The following SVEP1 variants were observed in gnomAD, a reference collection of about 807,000 sequenced individuals.
SVEP1 encodes the protein sushi, von Willebrand factor type A, EGF and pentraxin domain-containing protein 1.
In SVEP1, 164 loss-of-function variants were observed where a neutral mutation model predicts 367.3. The ratio of observed to expected loss-of-function variants is 0.45; its 90% confidence interval spans 0.39 to 0.51. The LOEUF (loss-of-function observed/expected upper bound fraction) is 0.51. SVEP1 is among the 20% of genes least tolerant of loss of function. The probability of loss-of-function intolerance (pLI) is 0.00; values close to 1 mark genes in which losing one functional copy is unlikely to be tolerated. For synonymous variants in SVEP1, 1,666 were observed against 1,611.6 expected (o/e 1.03, Z -0.81); for missense variants, 4,117 against 4,425.3 (o/e 0.93, Z 1.98).
chr9:110,531,830 G>C (rs1830022010), intron 3 of SVEP1, among the ~76,000 whole-genome samples: 2 of 152,154 alleles, frequency 1.3e-5, no homozygotes, highest in South Asian at 4.1e-4. Flanking sequence ...TATGCAAATA[G>C]CTTTAGACAC....
At chr9:110,369,576 A>AT (rs68117531) in intron 47 of SVEP1, 35,891 of 167,622 alleles carry the variant, frequency 0.21, 4,397 homozygotes, top group Middle Eastern at 0.35. Context: ...TATATAACCG[A>AT]TTTTTTTTAA....
chr9:110,368,155 G>A (rs1027003736), intron 47 of SVEP1, among the ~76,000 whole-genome samples: 4 of 151,476 alleles, frequency 2.6e-5, no homozygotes, highest in African/African-American at 9.7e-5. Flanking sequence ...AGACAGGATG[G>A]AGGAGACCCT....
intron 5 of SVEP1, among the ~76,000 whole-genome samples, chr9:110,508,852 G>A (rs1193609663): frequency 6.6e-6 from 1 of 151,594 alleles, no homozygotes; most frequent in African/African-American, 2.4e-5. Context: ...AAGTGCATAG[G>A]AGAAGTGAGA....
chr9:110,371,495 G>T (rs1425087624), intron 46 of SVEP1, among the ~76,000 whole-genome samples: 4 of 151,970 alleles, frequency 2.6e-5, no homozygotes, highest in African/African-American at 4.8e-5. Context: ...TCATCTAAAT[G>T]CATTTTCTGG....
chr9:110,424,293 ACTGT>A (rs547278622), intron 36 of SVEP1, among the ~76,000 whole-genome samples: 3 of 152,226 alleles, frequency 2.0e-5, no homozygotes, highest in Admixed American at 6.5e-5. Flanking sequence ...ACAAGAAAAT[ACTGT>A]CTATCAGTGA....
chr9:110,450,220 G>A lies in SVEP1; in HGVS notation c.3942C>T (p.Asn1314=), dbSNP rs1245635692. 12 of 1,613,824 alleles carry A rather than the reference G, an allele frequency of 7.4e-6. No individual in the cohort carries two copies. The highest frequency in any genetic ancestry group is 1.0e-5 in the Non-Finnish European group (12 of 1,179,808). Residue 1314 remains asparagine, a synonymous_variant, in exon 24 of 48, where the codon AAC becomes AAT. Transcript: ENST00000374469. The stretch of plus-strand genomic sequence containing the variant: ...CACAGACTGCATTATTTAAGCATGG[G>A]TTTGACTGGCATTCATTGACTTCTG... ...CETEVNECQS[N]PCLNNAVCED... is the part of the protein sequence containing the mutation.
intron 5 of SVEP1, among the ~76,000 whole-genome samples, chr9:110,508,282 G>C (rs951741530): frequency 2.7e-5 from 4 of 149,332 alleles, no homozygotes; most frequent in African/African-American, 9.9e-5. Context: ...CCATCTTAAA[G>C]ACTAATCAGA....
intron 43 of SVEP1, among the ~76,000 whole-genome samples, chr9:110,383,470 G>T (rs1025859051): frequency 2.7e-5 from 4 of 147,696 alleles, no homozygotes; most frequent in Non-Finnish European, 4.5e-5. Context: ...TCCCAGAGGG[G>T]CACTGACCTG....
rs185155866 is a variant in SVEP1, at chr9:110,399,494, T to G, written c.9822+1360A>C. Among the ~76,000 whole-genome samples, 3 of 152,140 alleles carry G rather than the reference T, an allele frequency of 2.0e-5. No homozygotes were observed. In the East Asian group the frequency reaches 5.8e-4, roughly 29 times the overall value. On this transcript the variant is annotated intron_variant, in intron 40 of 47. Coordinates refer to ENST00000374469, the MANE Select transcript of SVEP1 (RefSeq NM_153366.4). ...CCTAAAACTTAAAGTATAATAATAA[T>G]AAAATTAAAAAGAAAAAAGAAAACT...
Position 110,471,343 on chromosome 9 carries a change from G to A in SVEP1, c.2998+21C>T, listed in dbSNP as rs916264678. 1.9e-6 allele frequency: 3 copies of A among 1,600,072 alleles called. No individual in the cohort carries two copies. In the Admixed American group the frequency reaches 5.1e-5, roughly 27 times the overall value. On this transcript the variant is annotated intron_variant, in intron 16 of 47. Transcript: ENST00000374469. The stretch of plus-strand genomic sequence containing the variant: ...GACCCAGTATGCACCAAATATTTTT[G>A]ATCACAGGGAACAGTCTTACCACAC...
intron 3 of SVEP1, among the ~76,000 whole-genome samples, chr9:110,532,137 C>T (rs1040814231): frequency 6.6e-6 from 1 of 152,090 alleles, no homozygotes; most frequent in African/African-American, 2.4e-5. Context: ...TTCATTCATT[C>T]ACCAAAAATT....
chr9:110,502,991 G>A (rs752872051), intron 6 of SVEP1, 47 bp downstream of exon 6: 36 of 1,566,248 alleles, frequency 2.3e-5, no homozygotes, highest in Admixed American at 2.3e-4. Context: ...AGAAATCAGA[G>A]CAGAGGAAAT....
At position 110,579,332 on chromosome 9, in the gene SVEP1, C is replaced by T; in HGVS notation, c.212G>A (p.Arg71His). 3 of 1,557,064 alleles carry T rather than the reference C, an allele frequency of 1.9e-6. No homozygotes were observed. Among genetic ancestry groups the T allele is most frequent in the Non-Finnish European group, 2.6e-6 (3 of 1,152,052 alleles). The change falls in exon 1 of 48, where the codon CGC (arginine) becomes CAC (histidine). Residue 71 changes from arginine to histidine, a missense_variant. Physicochemically the swap from Arg to His is conservative, Grantham distance 29. Transcript: ENST00000374469. This position sits in a 1 kb window ranked among gnomAD's most constrained non-coding sequence, Gnocchi z 5.3. ...VERLGQAFRR[R>H]VRLLRELSER... is the part of the protein sequence containing the mutation. ...GCTGAGCTCCCGCAGCAGCCGCACG[C>T]GTCGCCGGAACGCCTGGCCCAGCCG...
At chr9:110,537,540 C>T (rs983178038) in intron 3 of SVEP1, among the ~76,000 whole-genome samples, 6 of 151,614 alleles carry the variant, frequency 4.0e-5, no homozygotes, top group Non-Finnish European at 5.9e-5. Flanking sequence ...ATTCTGTGAT[C>T]AACAGAAGGC....
In SVEP1 at chr9:110,447,025, T is replaced by C. The variant is rs1176274716; in HGVS notation, c.4136A>G (p.His1379Arg). ...ACATTCATTGATGTTCAATTCACAG[T>C]GTGATCCTGTGAAGCCAGCTGCACA... ...CLCAAGFTGS[H>R]CELNINECQS... The change falls in exon 25 of 48, where the codon CAC (histidine) becomes CGC (arginine). Residue 1379 changes from histidine (H) to arginine (R), a missense_variant. Around this residue, in one of 4 missense-constraint regions of SVEP1, gnomAD observed 2,174 missense variants for 2,494.3 expected, o/e 0.87. Coordinates refer to ENST00000374469, the MANE Select transcript of SVEP1 (RefSeq NM_153366.4). 3.9e-6 allele frequency: 6 copies of C among 1,533,602 alleles called. No homozygotes were observed. The highest frequency in any genetic ancestry group is 2.1e-5 in the Admixed American group (1 of 48,378). The allele number at this position is 1,533,602 out of a possible 1,614,324, so 95.0% of individuals were successfully genotyped here. A position where few individuals can be genotyped will look rare whatever the true frequency, so the allele number is the denominator to read the frequency against.
At position 110,503,029 on chromosome 9, in the gene SVEP1, G is replaced by A. The variant is rs776219847; in HGVS notation, c.1483+9C>T. ...ATCACTCAAGGCATTACACCTTCTAGAAACTTACCCACACACCGGGGTTCT... is the reference window on the plus strand; with the variant it reads ...ATCACTCAAGGCATTACACCTTCTAAAAACTTACCCACACACCGGGGTTCT... On this transcript the variant is annotated intron_variant, in intron 6 of 47. Coordinates refer to ENST00000374469, the MANE Select transcript of SVEP1 (RefSeq NM_153366.4). 9.3e-6 allele frequency: 15 copies of A among 1,607,752 alleles called. 1 individual carries two copies. Among genetic ancestry groups the A allele is most frequent in the Non-Finnish European group, 1.2e-5 (14 of 1,177,458 alleles).
chr9:110,405,519 G>A (rs1024420767), intron 38 of SVEP1, among the ~76,000 whole-genome samples: 1 of 150,184 alleles, frequency 6.7e-6, no homozygotes, highest in Non-Finnish European at 1.5e-5. Context: ...GATACTAGTA[G>A]GAATACAGCA....
intron 35 of SVEP1, 85 bp from the exon 36 acceptor site, chr9:110,427,843 A>G: frequency 6.7e-7 from 1 of 1,481,942 alleles, no homozygotes; most frequent in Non-Finnish European, 9.0e-7. Context: ...GGAGAAAATA[A>G]GGGACATTTG....
Position 110,407,200 on chromosome 9 carries a change from C to T in SVEP1, c.8400G>A (p.Glu2800=). 6.2e-7 allele frequency: 1 copy of T among 1,614,036 alleles called. No homozygotes were observed. The highest frequency in any genetic ancestry group is 1.7e-5 in the Admixed American group (1 of 60,032). The part of the protein sequence containing the change: ...NYTYLSTLYY[E]CDPGYVLNGT... ...CATTCAGCACATATCCGGGGTCACA[C>T]TCATAGTACAACGTGCTCAGGTATG... Residue 2800 remains glutamate, a synonymous_variant, in exon 38 of 48, where the codon GAG becomes GAA. Coordinates refer to ENST00000374469, the MANE Select transcript of SVEP1 (RefSeq NM_153366.4).
Sources: allele counts gnomAD v4.1 joint callset (sites outside exome capture counted in the v4.1 genomes callset), GRCh38; gene constraint gnomAD v4.1.1; regional missense constraint gnomAD v4.1.1; non-coding constraint Gnocchi (gnomAD v3.1); transcripts MANE v1.5; gene names NCBI Gene and HGNC (gene_info 2026-07-23, HGNC 2026-07-21).